CPEB2: variants seen among roughly 807,000 people sequenced by gnomAD.
CPEB2 encodes cytoplasmic polyadenylation element binding protein 2.
A neutral mutation model predicts 93.6 loss-of-function variants in CPEB2; 56 were observed. The observed-to-expected ratio is 0.60, with a 90% confidence interval of 0.48 to 0.75. The LOEUF is 0.75. Among genes scored for constraint, CPEB2 ranks in the 30% least tolerant of loss-of-function variants. CPEB2 has a pLI of 0.00. For missense variants in CPEB2, 1,579 were observed against 1,395.1 expected, an observed-to-expected ratio of 1.13 and a Z score of -2.10; for synonymous variants, 764 against 586.3, an observed-to-expected ratio of 1.30 and a Z score of -4.38.
intron 6 of CPEB2, among the ~76,000 whole-genome samples, chr4:15,041,795 A>G (rs988456238): frequency 6.6e-6 from 1 of 152,190 alleles, no homozygotes; most frequent in Non-Finnish European, 1.5e-5. Context: ...CTGACAACCA[A>G]AACTAGTATT....
At chr4:15,048,500 A>G (rs1727922654) in intron 6 of CPEB2, among the ~76,000 whole-genome samples, 1 of 151,960 alleles carries the variant, frequency 6.6e-6, no homozygotes, top group Non-Finnish European at 1.5e-5. Flanking sequence ...ATTTATTACC[A>G]TAAAGTGGCT....
chr4:15,017,503 T>G (rs979175801), intron 4 of CPEB2: 10 of 341,280 alleles, frequency 2.9e-5, no homozygotes, highest in African/African-American at 1.7e-4. Context: ...AATTTACTAT[T>G]TAGAGACATG....
intron 4 of CPEB2, among the ~76,000 whole-genome samples, chr4:15,028,583 T>C (rs562804979): frequency 1.3e-5 from 2 of 152,164 alleles, no homozygotes; most frequent in African/African-American, 4.8e-5. Context: ...AAATGTTAGA[T>C]GATAATCAGT....
At chr4:15,021,679 T>C (rs1380542724) in intron 4 of CPEB2, among the ~76,000 whole-genome samples, 2 of 152,160 alleles carry the variant, frequency 1.3e-5, no homozygotes, top group Admixed American at 6.6e-5. Flanking sequence ...TCGTAATGCC[T>C]TTACCAGTGT....
intron 6 of CPEB2, 47 bp downstream of exon 6, chr4:15,040,534 T>A: frequency 6.8e-7 from 1 of 1,479,936 alleles, no homozygotes; most frequent in Non-Finnish European, 9.1e-7. Context: ...TAATGGGGTT[T>A]ACTGATCAAT....
rs1729243075 is a variant in CPEB2, at chr4:15,062,070, C to G, written c.2696-9C>G. The G allele has an allele frequency of 1.9e-6, 3 of 1,579,830 alleles. No homozygotes were observed. Among genetic ancestry groups the G allele is most frequent in the Non-Finnish European group, 1.7e-6 (2 of 1,160,556 alleles). On this transcript the variant is annotated splice_polypyrimidine_tract_variant and intron_variant, in intron 10 of 11. Coordinates refer to ENST00000538197, the MANE Select transcript of CPEB2 (RefSeq NM_001177382.2). ...TCACATTTGATGTAAACTTCTTTTC[C>G]TTTTCAAGTGGAACTTGCTATGATC...
At position 15,015,404 on chromosome 4, in the gene CPEB2, T is replaced by G. The variant is rs1284226224; in HGVS notation, c.2035-1784T>G. On this transcript the variant is annotated intron_variant, in intron 3 of 11. Coordinates refer to ENST00000538197, the MANE Select transcript of CPEB2 (RefSeq NM_001177382.2). ...AAAGAGTACTGATAGAGTTAATTGG[T>G]GATAAAGCTGGAATAAGAGCCTCCA... Among the ~76,000 whole-genome samples the G allele has an allele frequency of 2.0e-5, 3 of 151,970 alleles. No individual in the cohort carries two copies. The East Asian group carries it at 5.8e-4, about 29-fold the overall frequency.
At chr4:15,046,238 T>C (rs946169293) in intron 6 of CPEB2, among the ~76,000 whole-genome samples, 1 of 152,166 alleles carries the variant, frequency 6.6e-6, no homozygotes, top group African/African-American at 2.4e-5. Flanking sequence ...CTTTTTTTTT[T>C]GAGATGGAGT....
rs1208834587 is a variant in CPEB2, at chr4:15,003,598, C to T, written c.925C>T (p.Pro309Ser). The T allele has an allele frequency of 6.8e-7, 1 of 1,476,884 alleles. No homozygotes were observed. The highest frequency in any genetic ancestry group is 1.3e-5 in the South Asian group (1 of 78,944). The allele number at this position is 1,476,884 out of a possible 1,614,324, so 91.5% of individuals were successfully genotyped here. A position where few individuals can be genotyped will look rare whatever the true frequency, so the allele number is the denominator to read the frequency against. The change falls in exon 1 of 12, where the codon CCC becomes TCC. Residue 309 changes from proline (P) to serine (S), a missense_variant. Pro to Ser is a moderately conservative substitution (Grantham distance 74). Around this residue, in one of 2 missense-constraint regions of CPEB2, gnomAD observed 1,411 missense variants for 1,056.0 expected, o/e 1.34. Transcript: ENST00000538197. ...CTTGGCCTCCTCGACGCCGGTGAACCCCGCGCCGGGCTCCATGGAGTCCCC... is the reference window on the plus strand; with the variant it reads ...CTTGGCCTCCTCGACGCCGGTGAACTCCGCGCCGGGCTCCATGGAGTCCCC... Reference protein sequence around the residue: ...AGLASSTPVNPAPGSMESPNH... With the variant: ...AGLASSTPVNSAPGSMESPNH...
chr4:15,033,054 C>G, intron 4 of CPEB2, 107 bp from the exon 5 acceptor site: 1 of 700,240 alleles, frequency 1.4e-6, no homozygotes, highest in South Asian at 1.7e-5. Flanking sequence ...ATACTGTGCT[C>G]AATAATTTTC....
chr4:15,004,417 G>GCTA (rs1301963529), intron 1 of CPEB2, 82 bp downstream of exon 1: 23 of 1,083,776 alleles, frequency 2.1e-5, no homozygotes, highest in Admixed American at 1.2e-4. Flanking sequence ...GGCAGCCGGG[G>GCTA]ACCCGACCTT....
intron 4 of CPEB2, among the ~76,000 whole-genome samples, chr4:15,020,310 G>A (rs1297619583): frequency 6.6e-6 from 1 of 152,036 alleles, no homozygotes; most frequent in Non-Finnish European, 1.5e-5. Flanking sequence ...CTACCACAGA[G>A]GTAAAAGGCA....
At chr4:15,043,396 T>C (rs1199628261) in intron 6 of CPEB2, among the ~76,000 whole-genome samples, 1 of 152,158 alleles carries the variant, frequency 6.6e-6, no homozygotes, top group Non-Finnish European at 1.5e-5. Context: ...CTGGTAGCCA[T>C]AAAGAGTTCT....
intron 10 of CPEB2, among the ~76,000 whole-genome samples, chr4:15,059,635 T>G (rs1729013147): frequency 6.6e-6 from 1 of 152,106 alleles, no homozygotes; most frequent in African/African-American, 2.4e-5. Flanking sequence ...TTTGTGTAGA[T>G]CGATTCTGAT....
chr4:15,011,215 C>T (rs1462462486), intron 3 of CPEB2, among the ~76,000 whole-genome samples: 3 of 151,392 alleles, frequency 2.0e-5, no homozygotes, highest in Non-Finnish European at 2.9e-5. Context: ...ATTCTCATGC[C>T]TCAGCCTCCC....
At chr4:15,053,003 T>G (rs1228133762) in intron 7 of CPEB2, among the ~76,000 whole-genome samples, 1 of 148,856 alleles carries the variant, frequency 6.7e-6, no homozygotes, top group East Asian at 1.9e-4. Context: ...AAGTTTATTT[T>G]TATTTTTATT....
At position 15,007,440 on chromosome 4, in the gene CPEB2, A is replaced by T. The variant is rs770627948; in HGVS notation, c.1798A>T (p.Ile600Leu). Reference protein sequence around the residue: ...NMGIPGTMNQISPLKKPFSGN... With the variant: ...NMGIPGTMNQLSPLKKPFSGN... ...GGGAATCCCAGGAACTATGAATCAG[A>T]TATCTCCATTGAAGAAACCGTTTTC... is the stretch of plus-strand genomic sequence containing the variant. The change falls in exon 2 of 12, where the codon ATA becomes TTA. Residue 600 changes from isoleucine to leucine, a missense_variant. By Grantham distance (5) the Ile-to-Leu change is conservative (BLOSUM62 2). Around this residue, in one of 2 missense-constraint regions of CPEB2, gnomAD observed 1,411 missense variants for 1,056.0 expected, o/e 1.34. Coordinates refer to ENST00000538197, the MANE Select transcript of CPEB2 (RefSeq NM_001177382.2). 4 of 1,614,170 alleles carry T rather than the reference A, an allele frequency of 2.5e-6. No homozygotes were observed. Among genetic ancestry groups the T allele is most frequent in the East Asian group, 2.2e-5 (1 of 44,884 alleles).
rs780711016 is a variant in CPEB2, at chr4:15,003,596, A to T, written c.923A>T (p.Asn308Ile). The change falls in exon 1 of 12, where the codon AAC becomes ATC. Residue 308 changes from asparagine to isoleucine, a missense_variant. Physicochemically the swap from Asn to Ile is moderately radical, Grantham distance 149. This residue lies in a region of CPEB2 where 1,411 missense variants were observed against 1,056.0 expected (regional missense o/e 1.34). Coordinates refer to ENST00000538197, the MANE Select transcript of CPEB2 (RefSeq NM_001177382.2). ...GGCTTGGCCTCCTCGACGCCGGTGA[A>T]CCCCGCGCCGGGCTCCATGGAGTCC... ...NAGLASSTPV[N>I]PAPGSMESPN... 3 of 1,474,814 alleles carry T rather than the reference A, an allele frequency of 2.0e-6. No homozygotes were observed. The South Asian group carries it at 3.8e-5, about 19-fold the overall frequency. The allele number at this position is 1,474,814 out of a possible 1,614,324, so 91.4% of individuals were successfully genotyped here. A position where few individuals can be genotyped will look rare whatever the true frequency, so the allele number is the denominator to read the frequency against.
rs564896066 is a variant in CPEB2, at chr4:15,068,164, C to G, written c.*1784C>G. ...ACAAGGGTGTTGCCTTATAGCAAAC[C>G]CTTGGGACAATCCTTCATGTGAGCA... On this transcript the variant is annotated 3_prime_UTR_variant, in exon 12 of 12. Transcript: ENST00000538197. The G allele has an allele frequency of 6.6e-6, 1 of 152,252 alleles. No individual in the cohort carries two copies. Among genetic ancestry groups the G allele is most frequent in the East Asian group, 1.9e-4 (1 of 5,148 alleles). The allele number at this position is 152,252 out of a possible 1,614,324, so 9.4% of individuals were successfully genotyped here. A position where few individuals can be genotyped will look rare whatever the true frequency, so the allele number is the denominator to read the frequency against.
Sources: allele counts gnomAD v4.1 joint callset (sites outside exome capture counted in the v4.1 genomes callset), GRCh38; gene constraint gnomAD v4.1.1; regional missense constraint gnomAD v4.1.1; transcripts MANE v1.5; gene names NCBI Gene and HGNC (gene_info 2026-07-23, HGNC 2026-07-21).